Variants in TAFA1 observed in about 807,000 individuals in gnomAD.
TAFA1 encodes TAFA chemokine like family member 1.
Under a neutral mutation model 18.5 loss-of-function variants are expected in TAFA1, and 4 were observed. The ratio of observed to expected loss-of-function variants is 0.22; its 90% CI spans 0.11 to 0.49. The LOEUF (loss-of-function observed/expected upper bound fraction) is 0.49, where lower values mean the gene tolerates loss of function less well. Among genes scored for constraint, TAFA1 ranks in the 20% least tolerant of loss-of-function variants. The pLI, the probability that TAFA1 is intolerant of heterozygous loss-of-function variation, is 0.98. For missense variants in TAFA1, 147 were observed against 169.0 expected, an observed-to-expected ratio of 0.87 and a Z score of 0.72; for synonymous variants, 56 against 55.2, an observed-to-expected ratio of 1.01 and a Z score of -0.06.
intron 2 of TAFA1, among the ~76,000 whole-genome samples, chr3:68,189,272 G>T (rs1332742386): frequency 3.3e-5 from 5 of 151,862 alleles, no homozygotes; most frequent in African/African-American, 1.2e-4. Flanking sequence ...CCATTCAGTA[G>T]ACTCACCTAC....
intron 2 of TAFA1, among the ~76,000 whole-genome samples, chr3:68,007,916 G>T (rs1018132172): frequency 2.6e-5 from 4 of 152,214 alleles, no homozygotes; most frequent in African/African-American, 9.6e-5. Flanking sequence ...CTTCCCTGCT[G>T]GGGGCAGGCA....
At chr3:68,175,925 G>C (rs2066119278) in intron 2 of TAFA1, among the ~76,000 whole-genome samples, 1 of 152,100 alleles carries the variant, frequency 6.6e-6, no homozygotes, top group South Asian at 2.1e-4. Context: ...TGAATCATGA[G>C]GGCAGGTCTT....
chr3:67,993,625 G>A, the TAFA1 span, among the ~76,000 whole-genome samples: 1 of 152,096 alleles, frequency 6.6e-6, no homozygotes, highest in Non-Finnish European at 1.5e-5. Context: ...GCTATTCCTG[G>A]CCACATAAGG....
chr3:68,525,834 T>G (rs923157889), intron 3 of TAFA1, among the ~76,000 whole-genome samples: 1 of 152,162 alleles, frequency 6.6e-6, no homozygotes, highest in African/African-American at 2.4e-5. Flanking sequence ...TTATATCCTG[T>G]TATTCTCTCT....
At chr3:68,480,443 G>T (rs916720995) in intron 3 of TAFA1, among the ~76,000 whole-genome samples, 2 of 151,966 alleles carry the variant, frequency 1.3e-5, no homozygotes, top group Admixed American at 1.3e-4. Context: ...AAATTCTTAG[G>T]ATCTACTCAG....
At chr3:68,178,095 G>T (rs2066148278) in intron 2 of TAFA1, among the ~76,000 whole-genome samples, 1 of 152,026 alleles carries the variant, frequency 6.6e-6, no homozygotes, top group Admixed American at 6.5e-5. Context: ...AGTGAGCCAA[G>T]ATGGCACCAC....
chr3:68,467,142 G>A (rs1030499605), intron 3 of TAFA1, among the ~76,000 whole-genome samples: 6 of 152,140 alleles, frequency 3.9e-5, no homozygotes, highest in African/African-American at 1.4e-4. Context: ...CTTGTTCCCT[G>A]AAAATCGCTG....
rs549219749 is a variant in TAFA1 at position 68,285,047 on chromosome 3, C to T, written c.119-132233C>T. On this transcript the variant is annotated intron_variant, in intron 2 of 4. Coordinates refer to ENST00000478136, the MANE Select transcript of TAFA1 (RefSeq NM_213609.4). ...AGGCTGTAGTAAGCTATGATTGTGCCGCTGCACTCCAGCCTGGGTGATAGA... is the reference window on the plus strand; with the variant it reads ...AGGCTGTAGTAAGCTATGATTGTGCTGCTGCACTCCAGCCTGGGTGATAGA... 9.9e-5 allele frequency among the ~76,000 whole-genome samples: 15 copies of T among 152,130 alleles called. No homozygotes were observed. In the South Asian group the frequency reaches 1.3e-3, roughly 13 times the overall value.
chr3:68,505,211 G>A (rs1199470694), intron 3 of TAFA1, among the ~76,000 whole-genome samples: 2 of 152,100 alleles, frequency 1.3e-5, no homozygotes, highest in Non-Finnish European at 2.9e-5. Flanking sequence ...CTTTTCAAGT[G>A]TTCAACCAAA....
At chr3:68,106,339 G>C (rs983505885) in intron 2 of TAFA1, among the ~76,000 whole-genome samples, 1 of 152,126 alleles carries the variant, frequency 6.6e-6, no homozygotes, top group Non-Finnish European at 1.5e-5. Context: ...CGGCTGTTCT[G>C]TCCAATGCAG....
chr3:68,242,456 G>A (rs1313099407), intron 2 of TAFA1, among the ~76,000 whole-genome samples: 2 of 152,122 alleles, frequency 1.3e-5, no homozygotes, highest in Non-Finnish European at 2.9e-5. Context: ...TAAATTAGCA[G>A]TGTCTAAATT....
At chr3:68,305,409 C>CTATATATATATATATATATATA (rs773025236) in intron 2 of TAFA1, among the ~76,000 whole-genome samples, 4 of 38,202 alleles carry the variant, frequency 1.0e-4, no homozygotes, top group Non-Finnish European at 1.4e-4. Flanking sequence ...GACTATATGA[C>CTATATATATATATATATATATA]TATATATATA....
intron 2 of TAFA1, among the ~76,000 whole-genome samples, chr3:68,255,125 G>T (rs1240365089): frequency 6.6e-6 from 1 of 152,146 alleles, no homozygotes; most frequent in Admixed American, 6.6e-5. Flanking sequence ...CAGATGAAGA[G>T]TATTCATTCA....
At chr3:68,470,488 T>C (rs1224029657) in intron 3 of TAFA1, among the ~76,000 whole-genome samples, 1 of 152,200 alleles carries the variant, frequency 6.6e-6, no homozygotes, top group Admixed American at 6.5e-5. Context: ...AGAGACTTGT[T>C]GAATGTCTTT....
At chr3:68,129,636 G>A (rs764582158) in intron 2 of TAFA1, among the ~76,000 whole-genome samples, 12 of 152,014 alleles carry the variant, frequency 7.9e-5, no homozygotes, top group Non-Finnish European at 1.6e-4. Flanking sequence ...ATAATTATAC[G>A]TTACATATTA....
At chr3:68,457,141 A>C (rs1186746283) in intron 3 of TAFA1, among the ~76,000 whole-genome samples, 1 of 152,202 alleles carries the variant, frequency 6.6e-6, no homozygotes, top group African/African-American at 2.4e-5. Context: ...TGCAATAGCA[A>C]CTGTAGGGGG....
chr3:68,050,014 A>T (rs1166625805), intron 2 of TAFA1, among the ~76,000 whole-genome samples: 3 of 152,226 alleles, frequency 2.0e-5, no homozygotes, highest in East Asian at 3.9e-4. Context: ...TCACATCTCC[A>T]ATTACTAGTT....
intron 2 of TAFA1, among the ~76,000 whole-genome samples, chr3:68,261,987 G>A (rs1361115857): frequency 1.3e-5 from 2 of 151,016 alleles, no homozygotes; most frequent in Non-Finnish European, 3.0e-5. Context: ...AAAAGAAAAA[G>A]TGAATTTATA....
intron 2 of TAFA1, among the ~76,000 whole-genome samples, chr3:68,249,027 T>C (rs2067140145): frequency 6.6e-6 from 1 of 152,124 alleles, no homozygotes; most frequent in South Asian, 2.1e-4. Context: ...TCTTATTTGC[T>C]GGCTCTGGGT....
Sources: gnomAD v4.1 joint callset for allele counts (sites outside exome capture counted in the v4.1 genomes callset) on GRCh38, gnomAD v4.1.1 for gene constraint, MANE v1.5 for transcripts, NCBI Gene and HGNC (gene_info 2026-07-23, HGNC 2026-07-21) for gene names.